PTPRD: variants seen among roughly 807,000 people sequenced by gnomAD.
PTPRD encodes the protein receptor-type tyrosine-protein phosphatase delta.
PTPRD carries 34 observed loss-of-function variants against 214.5 expected under a neutral mutation model. The ratio of observed to expected loss-of-function variants is 0.16; its 90% confidence interval spans 0.12 to 0.21. The LOEUF (loss-of-function observed/expected upper bound fraction) is 0.21, where lower values mean the gene tolerates loss of function less well. PTPRD is among the 10% of genes least tolerant of loss of function. PTPRD has a pLI of 1.00. For synonymous variants in PTPRD, 1,128 were observed against 845.7 expected (o/e 1.33, Z -5.79); for missense variants, 2,545 against 2,398.7 (o/e 1.06, Z -1.27).
chr9:9,346,885 G>A (rs746144092), intron 9 of PTPRD, among the ~76,000 whole-genome samples: 1 of 151,956 alleles, frequency 6.6e-6, no homozygotes, highest in African/African-American at 2.4e-5. Flanking sequence ...TGGAGATAGG[G>A]TTTCACCATG....
intron 3 of PTPRD, among the ~76,000 whole-genome samples, chr9:10,139,611 T>C (rs2098968393): frequency 6.6e-6 from 1 of 151,826 alleles, no homozygotes. Context: ...CGAAATGAGC[T>C]GGAGATATGT....
At chr9:8,827,685 A>G (rs2097203990) in intron 11 of PTPRD, among the ~76,000 whole-genome samples, 1 of 152,150 alleles carries the variant, frequency 6.6e-6, no homozygotes, top group South Asian at 2.1e-4. Context: ...TAATCAGCTC[A>G]TCATTTATAT....
chr9:8,338,917 C>T lies in PTPRD; in HGVS notation c.5379+5G>A. 1.2e-6 allele frequency: 2 copies of T among 1,603,746 alleles called. No homozygotes were observed. Among genetic ancestry groups the T allele is most frequent in the East Asian group, 2.2e-5 (1 of 44,524 alleles). On this transcript the variant is annotated splice_donor_5th_base_variant and intron_variant, in intron 43 of 45. Transcript: ENST00000381196. ...GGTTAAGAGTTGAAGACTGTGCCAA[C>T]TTACCCTGGCATCTGTGACCTTGAA...
chr9:9,143,741 C>A (rs1222667166), intron 10 of PTPRD, among the ~76,000 whole-genome samples: 1 of 152,194 alleles, frequency 6.6e-6, no homozygotes, highest in African/African-American at 2.4e-5. Context: ...ACAGTTGACT[C>A]ATCCATCCTC....
At chr9:8,917,330 G>A (rs1371989193) in intron 11 of PTPRD, among the ~76,000 whole-genome samples, 6 of 148,582 alleles carry the variant, frequency 4.0e-5, no homozygotes, top group Non-Finnish European at 5.9e-5. Flanking sequence ...TTGAGACAGC[G>A]TTTCACCATT....
chr9:9,351,023 C>A (rs1281253583), intron 9 of PTPRD, among the ~76,000 whole-genome samples: 2 of 151,894 alleles, frequency 1.3e-5, no homozygotes. Context: ...TTCACAGAAC[C>A]ACTGGTACCC....
chr9:8,668,374 G>T (rs1258857730), intron 12 of PTPRD, among the ~76,000 whole-genome samples: 1 of 152,188 alleles, frequency 6.6e-6, no homozygotes, highest in Non-Finnish European at 1.5e-5. Context: ...AAACTCGACA[G>T]GTTTCATTCT....
intron 5 of PTPRD, among the ~76,000 whole-genome samples, chr9:9,856,516 T>C (rs1394545597): frequency 1.3e-5 from 2 of 151,528 alleles, no homozygotes; most frequent in Non-Finnish European, 2.9e-5. Context: ...TCCTCAAGAT[T>C]AACAAGAATG....
chr9:8,535,234 G>T (rs550018030), intron 14 of PTPRD, among the ~76,000 whole-genome samples: 1 of 151,942 alleles, frequency 6.6e-6, no homozygotes, highest in East Asian at 1.9e-4. Context: ...AGGGATCAGA[G>T]GCATGTGACT....
chr9:9,448,579 C>T (rs562119262), intron 8 of PTPRD, among the ~76,000 whole-genome samples: 3 of 152,064 alleles, frequency 2.0e-5, no homozygotes, highest in South Asian at 4.1e-4. Flanking sequence ...TCATAAATAA[C>T]CCAGTCTTTG....
intron 4 of PTPRD, among the ~76,000 whole-genome samples, chr9:10,007,471 T>C (rs893998563): frequency 1.3e-5 from 2 of 152,018 alleles, no homozygotes; most frequent in African/African-American, 4.8e-5. Flanking sequence ...CTGAATTACT[T>C]GTCCTTGGGG....
In PTPRD at chr9:8,389,410, G is replaced by A. The variant is rs2088570931; in HGVS notation, c.4211-3C>T. 2 of 1,603,980 alleles carry A rather than the reference G, an allele frequency of 1.2e-6. No individual in the cohort carries two copies. Among genetic ancestry groups the A allele is most frequent in the Admixed American group, 1.7e-5 (1 of 58,928 alleles). ...CACATAGTCACTTCCTGGGATCCCT[G>A]GAAAACAAGGAGTGTTATTCAACCA... On this transcript the variant is annotated splice_polypyrimidine_tract_variant and splice_region_variant and intron_variant, in intron 36 of 45. Transcript: ENST00000381196.
At chr9:9,086,694 T>C (rs1789995643) in intron 10 of PTPRD, among the ~76,000 whole-genome samples, 1 of 152,098 alleles carries the variant, frequency 6.6e-6, no homozygotes, top group African/African-American at 2.4e-5. Flanking sequence ...CCAGCTGAAG[T>C]GACTAACAAT....
At chr9:8,334,772 A>AATAG (rs911413315) in intron 43 of PTPRD, among the ~76,000 whole-genome samples, 7 of 117,278 alleles carry the variant, frequency 6.0e-5, no homozygotes, top group African/African-American at 2.1e-4. Context: ...AGATCAACAA[A>AATAG]ATAGATAGAA....
intron 27 of PTPRD, among the ~76,000 whole-genome samples, chr9:8,492,026 T>C (rs1446855545): frequency 6.6e-6 from 1 of 152,352 alleles, no homozygotes; most frequent in Middle Eastern, 3.4e-3. Context: ...TCATGCTGGC[T>C]TTTCCTACTG....
chr9:10,319,293 G>A (rs7028343), intron 3 of PTPRD, among the ~76,000 whole-genome samples: 6,863 of 152,120 alleles, frequency 0.045, 500 homozygotes, highest in African/African-American at 0.16. Flanking sequence ...CTTCTCCTCT[G>A]CAGATGACTT....
intron 7 of PTPRD, among the ~76,000 whole-genome samples, chr9:9,697,497 G>A (rs569018232): frequency 6.6e-6 from 1 of 151,866 alleles, no homozygotes; most frequent in East Asian, 1.9e-4. Flanking sequence ...CAACATTTTT[G>A]CATGTTTTCC....
chr9:9,550,335 CCT>C (rs1485264856), intron 8 of PTPRD, among the ~76,000 whole-genome samples: 1 of 150,880 alleles, frequency 6.6e-6, no homozygotes, highest in Non-Finnish European at 1.5e-5. Flanking sequence ...AATCTCTCTC[CCT>C]CTCTCTATGG....
At chr9:9,291,571 A>G (rs1951152779) in intron 9 of PTPRD, among the ~76,000 whole-genome samples, 1 of 151,404 alleles carries the variant, frequency 6.6e-6, no homozygotes, top group Non-Finnish European at 1.5e-5. Flanking sequence ...ATATGTGATT[A>G]ACTTGTTAAT....
Sources: gnomAD v4.1 joint callset for allele counts (sites outside exome capture counted in the v4.1 genomes callset) on GRCh38, gnomAD v4.1.1 for gene constraint, MANE v1.5 for transcripts, NCBI Gene and HGNC (gene_info 2026-07-23, HGNC 2026-07-21) for gene names.